SYNE1: variants seen among roughly 807,000 people sequenced by gnomAD.
The protein encoded by SYNE1 is spectrin repeat containing nuclear envelope protein 1.
In SYNE1, 616 loss-of-function variants were observed where a neutral mutation model predicts 1,111.0. That is an observed-to-expected ratio of 0.55 (90% CI 0.52 to 0.59). SYNE1 has a LOEUF of 0.59. SYNE1 is among the 20% of genes least tolerant of loss of function. SYNE1 has a pLI of 0.00. For missense variants in SYNE1, 10,006 were observed against 10,417.0 expected (o/e 0.96, Z 1.72); for synonymous variants, 3,855 against 3,825.8 (o/e 1.01, Z -0.28).
chr6:152,616,130 G>A (rs1056852278), intron 3 of SYNE1, among the ~76,000 whole-genome samples: 2 of 152,154 alleles, frequency 1.3e-5, no homozygotes, highest in Admixed American at 1.3e-4. Flanking sequence ...GTAAAGAAAT[G>A]TAAAGGCAAG....
At chr6:152,614,902 T>C (rs1583464570) in intron 3 of SYNE1, among the ~76,000 whole-genome samples, 1 of 152,162 alleles carries the variant, frequency 6.6e-6, no homozygotes, top group East Asian at 1.9e-4. Flanking sequence ...AAATACCAAA[T>C]GTTCTCACTC....
intron 142 of SYNE1, chr6:152,133,695 C>T: frequency 1.7e-6 from 1 of 599,688 alleles, no homozygotes; most frequent in South Asian, 2.0e-5. Flanking sequence ...CCCTGACCGT[C>T]TCTGATCTCA....
intron 3 of SYNE1, among the ~76,000 whole-genome samples, chr6:152,564,728 A>G (rs1421824389): frequency 6.6e-6 from 1 of 152,222 alleles, no homozygotes; most frequent in Non-Finnish European, 1.5e-5. Context: ...ACTCTTCAGT[A>G]GAGGCCAAAA....
chr6:152,416,280 G>C (rs2098153584), intron 41 of SYNE1, 107 bp downstream of exon 41: 2 of 1,505,830 alleles, frequency 1.3e-6, no homozygotes, highest in Non-Finnish European at 1.8e-6. Context: ...TTGGGGTCCT[G>C]AGTTTTTATT....
intron 130 of SYNE1, among the ~76,000 whole-genome samples, chr6:152,175,813 T>G (rs2066324955): frequency 6.6e-6 from 1 of 152,164 alleles, no homozygotes; most frequent in Non-Finnish European, 1.5e-5. Flanking sequence ...GACTTTCATC[T>G]CTCTTACCCA....
intron 2 of SYNE1, among the ~76,000 whole-genome samples, chr6:152,634,956 C>T (rs936425851): frequency 1.4e-4 from 21 of 152,234 alleles, no homozygotes; most frequent in African/African-American, 5.1e-4. Flanking sequence ...CAGGGTGTGG[C>T]TGCAGTAGCT....
chr6:152,151,950 A>G lies in SYNE1; in HGVS notation c.24312+9T>C, dbSNP rs1184205376. On this transcript the variant is annotated intron_variant, in intron 134 of 145. Transcript: ENST00000367255. ...GGCCTCTAAATTACAGATGAGGCAT[A>G]GCAAAAACCTTGAGTCTGCGCAAGA... 2 of 1,614,100 alleles carry G rather than the reference A, an allele frequency of 1.2e-6. No homozygotes were observed.
intron 130 of SYNE1, among the ~76,000 whole-genome samples, chr6:152,175,088 G>A (rs947401753): frequency 2.9e-4 from 44 of 152,324 alleles, no homozygotes; most frequent in African/African-American, 1.0e-3. Flanking sequence ...CAGGGATTGG[G>A]AGGCTGAGGC....
intron 39 of SYNE1, among the ~76,000 whole-genome samples, chr6:152,420,953 G>T (rs2098249621): frequency 6.6e-6 from 1 of 152,130 alleles, no homozygotes; most frequent in Non-Finnish European, 1.5e-5. Flanking sequence ...TGGTAATATA[G>T]TTATTTGTAT....
At chr6:152,400,913 C>T (rs1199912367) in intron 47 of SYNE1, among the ~76,000 whole-genome samples, 1 of 152,136 alleles carries the variant, frequency 6.6e-6, no homozygotes, top group Non-Finnish European at 1.5e-5. Context: ...GGCACTACAG[C>T]AACACATGCT....
At chr6:152,437,829 G>A (rs975463842) in intron 32 of SYNE1, among the ~76,000 whole-genome samples, 1 of 152,120 alleles carries the variant, frequency 6.6e-6, no homozygotes. Flanking sequence ...CAGCTTTTCA[G>A]TAAGAGCATC....
chr6:152,123,926 G>T (rs77765070), intron 145 of SYNE1, among the ~76,000 whole-genome samples: 5,670 of 152,214 alleles, frequency 0.037, 137 homozygotes, highest in Middle Eastern at 0.071. Context: ...TATCGGTGGG[G>T]GATGCGGAGT....
In SYNE1 at chr6:152,463,393, A is replaced by G. The variant is rs1384374582; in HGVS notation, c.2057T>C (p.Leu686Pro). 2 of 1,613,830 alleles carry G rather than the reference A, an allele frequency of 1.2e-6. No homozygotes were observed. The highest frequency in any genetic ancestry group is 1.7e-6 in the Non-Finnish European group (2 of 1,179,798). Reference protein sequence around the residue: ...SRDLKQQLLLLNGRWRELFME... With the variant: ...SRDLKQQLLLPNGRWRELFME... ...AAACAACTCCCTCCACCGCCCATTTAGCAACAGTAATTGCTGCTTCAGGTC... is the reference window on the plus strand; with the variant it reads ...AAACAACTCCCTCCACCGCCCATTTGGCAACAGTAATTGCTGCTTCAGGTC... The change falls in exon 19 of 146, where the codon CTA (leucine) becomes CCA (proline). Residue 686 changes from leucine to proline, a missense_variant. By Grantham distance (98) the Leu-to-Pro change is moderately conservative. Transcript: ENST00000367255.
At chr6:152,584,012 C>T (rs2099529057) in intron 3 of SYNE1, among the ~76,000 whole-genome samples, 4 of 152,140 alleles carry the variant, frequency 2.6e-5, no homozygotes, top group Admixed American at 2.6e-4. Context: ...GGCATTATTG[C>T]CTGGGGGTTA....
chr6:152,466,308 CT>C (rs2098767170), intron 16 of SYNE1, among the ~76,000 whole-genome samples: 1 of 152,174 alleles, frequency 6.6e-6, no homozygotes, highest in Admixed American at 6.6e-5. Context: ...AGAAAATATT[CT>C]ATTTCTTCAC....
At chr6:152,345,749 T>G (rs7738089) in intron 73 of SYNE1, among the ~76,000 whole-genome samples, 131,480 of 152,152 alleles carry the variant, frequency 0.86, 57,069 homozygotes, top group African/African-American at 0.95. Context: ...AAAACTCTTT[T>G]TAGTGTCATT....
rs777514144 is a variant in SYNE1, at chr6:152,409,114, C to G, written c.6494G>C (p.Ser2165Thr). ...GCTCTCCATGTCTGTTTTCACCAAG[C>G]TGAAATCACTACTGTGAATTTTCTT... Reference protein sequence around the residue: ...ELKKIHSSDFSLVKTDMESTV... With the variant: ...ELKKIHSSDFTLVKTDMESTV... The change falls in exon 44 of 146, where the codon AGC becomes ACC. Residue 2165 changes from serine to threonine, a missense_variant. Transcript: ENST00000367255. 4 of 1,614,140 alleles carry G rather than the reference C, an allele frequency of 2.5e-6. No individual in the cohort carries two copies. Among genetic ancestry groups the G allele is most frequent in the Non-Finnish European group, 3.4e-6 (4 of 1,179,996 alleles).
intron 11 of SYNE1, among the ~76,000 whole-genome samples, chr6:152,498,052 A>G (rs1224544696): frequency 6.6e-6 from 1 of 152,220 alleles, no homozygotes; most frequent in Admixed American, 6.5e-5. Flanking sequence ...ATGATATTTA[A>G]AAAATTTACT....
rs1180712480 is a variant in SYNE1, at chr6:152,133,358, T to C, written c.25919A>G (p.Asn8640Ser). The change falls in exon 143 of 146, where the codon AAT (asparagine) becomes AGT (serine). Residue 8640 changes from asparagine (N) to serine (S), a missense_variant. By Grantham distance (46) the Asn-to-Ser change is conservative (BLOSUM62 1). This residue lies in a region of SYNE1 where 761 missense variants were observed against 795.5 expected (regional missense o/e 0.96). Coordinates refer to ENST00000367255, the MANE Select transcript of SYNE1 (RefSeq NM_182961.4). Reference sequence around the variant, plus strand: ...CTCCTTCAAGAGAAGTTTGAGCCGATTTCCAATAACATGGACTTTTTCTTT... The same window carrying C: ...CTCCTTCAAGAGAAGTTTGAGCCGACTTCCAATAACATGGACTTTTTCTTT... ...EAKEKVHVIG[N>S]RLKLLLKEVS... 1.2e-6 allele frequency: 2 copies of C among 1,614,212 alleles called. No individual in the cohort carries two copies. Among genetic ancestry groups the C allele is most frequent in the Non-Finnish European group, 8.5e-7 (1 of 1,180,036 alleles).
Sources: allele counts gnomAD v4.1 joint callset (sites outside exome capture counted in the v4.1 genomes callset), GRCh38; gene constraint gnomAD v4.1.1; regional missense constraint gnomAD v4.1.1; transcripts MANE v1.5; gene names NCBI Gene and HGNC (gene_info 2026-07-23, HGNC 2026-07-21).